Variants in DDX60L observed in about 807,000 individuals in gnomAD.
DDX60L encodes DExD/H-box 60 like, also known as probable ATP-dependent RNA helicase DDX60-like.
In DDX60L, 191 loss-of-function variants were observed where a neutral mutation model predicts 211.6. That is an observed-to-expected ratio of 0.90 (90% CI 0.80 to 1.02). The LOEUF (loss-of-function observed/expected upper bound fraction) is 1.02, where lower values mean the gene tolerates loss of function less well. DDX60L is among the 50% of genes least tolerant of loss of function. DDX60L has a pLI of 0.00. For synonymous variants in DDX60L, 706 were observed against 694.1 expected (o/e 1.02, Z -0.27); for missense variants, 2,007 against 1,984.1 (o/e 1.01, Z -0.22).
At chr4:168,421,930 T>C (rs746864580) in intron 16 of DDX60L, 21 bp from the exon 17 acceptor site, 4 of 1,613,844 alleles carry the variant, frequency 2.5e-6, no homozygotes, top group Admixed American at 1.7e-5. Flanking sequence ...CAAAGCACCA[T>C]TTGTGTCAAG....
Position 168,373,880 on chromosome 4 carries a change from T to C in DDX60L, c.4634-72A>G, listed in dbSNP as rs1741467814. The C allele has an allele frequency of 2.3e-5, 34 of 1,492,604 alleles. No individual in the cohort carries two copies. In the South Asian group the frequency reaches 3.1e-4, roughly 14 times the overall value. 92.5% of individuals were successfully genotyped at this position (1,492,604 alleles called of 1,614,324 possible). ...AATGTTAACCCTTTCAAACTCACTG[T>C]AGGTCAAGCCACAGTAGGTGACATT... On this transcript the variant is annotated intron_variant, in intron 34 of 37. Coordinates refer to ENST00000682922, the MANE Select transcript of DDX60L (RefSeq NM_001012967.3).
Position 168,421,805 on chromosome 4 carries a change from C to T in DDX60L, c.2349G>A (p.Leu783=). The T allele has an allele frequency of 6.2e-7, 1 of 1,614,232 alleles. No homozygotes were observed. The highest frequency in any genetic ancestry group is 2.2e-5 in the East Asian group (1 of 44,888). The change falls in exon 17 of 38, where the codon CTG becomes CTA. Residue 783 remains leucine (L), a synonymous_variant. Coordinates refer to ENST00000682922, the MANE Select transcript of DDX60L (RefSeq NM_001012967.3). ...YASYYCMEKV[L]RESDVGVVVY... ...CAACCACCCCGACATCGCTCTCCCT[C>T]AGCACTTTCTCCATGCAGTAGTAGG...
In DDX60L at chr4:168,400,863, C is replaced by T; in HGVS notation, c.3454G>A (p.Glu1152Lys). ...ECHSYVFAIDEVLEKVRKTQK... is the reference protein window; with the variant it reads ...ECHSYVFAIDKVLEKVRKTQK... ...GTCTTCCTCACTTTTTCAAGTACTTCATCTATTGCAAAGACATAACTATGA... is the reference window on the plus strand; with the variant it reads ...GTCTTCCTCACTTTTTCAAGTACTTTATCTATTGCAAAGACATAACTATGA... The change falls in exon 26 of 38, where the codon GAA becomes AAA. Residue 1152 changes from glutamate to lysine, a missense_variant. Glu to Lys is a moderately conservative substitution (Grantham distance 56). Coordinates refer to ENST00000682922, the MANE Select transcript of DDX60L (RefSeq NM_001012967.3). The T allele has an allele frequency of 6.2e-7, 1 of 1,613,004 alleles. No individual in the cohort carries two copies. The highest frequency in any genetic ancestry group is 1.1e-5 in the South Asian group (1 of 90,788).
intron 22 of DDX60L, among the ~76,000 whole-genome samples, chr4:168,412,722 C>T (rs1327076992): frequency 6.6e-6 from 1 of 152,188 alleles, no homozygotes; most frequent in Admixed American, 6.5e-5. Flanking sequence ...TAGGGCAATA[C>T]CTAGTGCTGT....
chr4:168,358,293 A>G lies in DDX60L; in HGVS notation c.4992-17T>C. 1 of 1,455,238 alleles carries G rather than the reference A, an allele frequency of 6.9e-7. No homozygotes were observed. The highest frequency in any genetic ancestry group is 9.1e-7 in the Non-Finnish European group (1 of 1,101,544). The allele number at this position is 1,455,238 out of a possible 1,614,324, so 90.1% of individuals were successfully genotyped here. ...AAGGAGTCACTGTATAAATGATAAT[A>G]ATAATAAAAAAATAATGAGCCCACA... On this transcript the variant is annotated splice_polypyrimidine_tract_variant and intron_variant, in intron 37 of 37. Coordinates refer to ENST00000682922, the MANE Select transcript of DDX60L (RefSeq NM_001012967.3).
At chr4:168,465,687 G>A (rs75305095) in intron 4 of DDX60L, among the ~76,000 whole-genome samples, 3 of 151,894 alleles carry the variant, frequency 2.0e-5, no homozygotes, top group Admixed American at 6.6e-5. Context: ...TGAAAGTGAG[G>A]GTTCAGTTTC....
At position 168,430,613 on chromosome 4, in the gene DDX60L, A is replaced by G. The variant is rs1294979210; in HGVS notation, c.1542T>C (p.Leu514=). The change falls in exon 13 of 38, where the codon CTT becomes CTC. Residue 514 remains leucine, a synonymous_variant. Coordinates refer to ENST00000682922, the MANE Select transcript of DDX60L (RefSeq NM_001012967.3). ...AATCCTGAATCTTTTTCAGGAAATC[A>G]AGAACATGAGGATCTCTAGATTGTT... is the stretch of plus-strand genomic sequence containing the variant. ...VDEQSRDPHV[L]DFLKKIQDYQ... is the part of the protein sequence containing the mutation. The G allele has an allele frequency of 6.4e-7, 1 of 1,571,532 alleles. No homozygotes were observed. Among genetic ancestry groups the G allele is most frequent in the Non-Finnish European group, 8.6e-7 (1 of 1,158,040 alleles).
Position 168,357,160 on chromosome 4 carries a change from A to C in DDX60L, c.*987T>G, listed in dbSNP as rs950561444. The C allele has an allele frequency of 1.3e-5, 2 of 152,230 alleles. No individual in the cohort carries two copies. The highest frequency in any genetic ancestry group is 6.5e-5 in the Admixed American group (1 of 15,278). 9.4% of individuals were successfully genotyped at this position (152,230 alleles called of 1,614,324 possible). A position where few individuals can be genotyped will look rare whatever the true frequency, so the allele number is the denominator to read the frequency against. On this transcript the variant is annotated 3_prime_UTR_variant, in exon 38 of 38. Transcript: ENST00000682922. The stretch of plus-strand genomic sequence containing the variant: ...TATATATATTTTTTCTGTTAGATAC[A>C]CACTCCTTAATCACTGCCAGGAAGT...
chr4:168,441,181 C>A (rs1457831330), intron 10 of DDX60L, among the ~76,000 whole-genome samples, 156 bp downstream of exon 10: 1 of 152,076 alleles, frequency 6.6e-6, no homozygotes, highest in Non-Finnish European at 1.5e-5. Context: ...ACTTTAACCA[C>A]ATTATTATAT....
rs138934259 is a variant in DDX60L, at chr4:168,408,547, A to G, written c.2980-1841T>C. On this transcript the variant is annotated intron_variant, in intron 22 of 37. Coordinates refer to ENST00000682922, the MANE Select transcript of DDX60L (RefSeq NM_001012967.3). The stretch of plus-strand genomic sequence containing the variant: ...AAGACAATATATAAAAGATCATTAT[A>G]TGGTTGTATCGGTTTGTACTTCTTC... 2.8e-3 allele frequency among the ~76,000 whole-genome samples: 434 copies of G among 152,324 alleles called. 2 individuals carry two copies. The highest frequency in any genetic ancestry group is 9.7e-3 in the African/African-American group (402 of 41,580).
rs551911602 is a variant in DDX60L, at chr4:168,441,031, G to C, written c.1294+306C>G. 2.0e-3 allele frequency among the ~76,000 whole-genome samples: 299 copies of C among 152,182 alleles called. 3 individuals are homozygous for C. Among genetic ancestry groups the C allele is most frequent in the African/African-American group, 6.8e-3 (284 of 41,484 alleles). On this transcript the variant is annotated intron_variant, in intron 10 of 37. Coordinates refer to ENST00000682922, the MANE Select transcript of DDX60L (RefSeq NM_001012967.3). ...AAGTCTGTTAAAGAGATGAGAGGAG[G>C]GGGAGGATGGATTGGGAAGTGGCCC...
rs370061220 is a variant in DDX60L, at chr4:168,456,094, C to T, written c.782G>A (p.Arg261His). The T allele has an allele frequency of 5.5e-5, 88 of 1,595,810 alleles. No individual in the cohort carries two copies. Among genetic ancestry groups the T allele is most frequent in the African/African-American group, 2.6e-4 (19 of 73,976 alleles). Reference protein sequence around the residue: ...HLWSEGSDIQRVLCVTSCSLS... With the variant: ...HLWSEGSDIQHVLCVTSCSLS... The stretch of plus-strand genomic sequence containing the variant: ...TGAACATGAAGTGACACAGAGAACA[C>T]GCTGGATGTCCGATCCTTCTGACCA... Residue 261 changes from arginine (R) to histidine (H), a missense_variant, in exon 7 of 38, where the codon CGT becomes CAT. Physicochemically the swap from Arg to His is conservative, Grantham distance 29 (BLOSUM62 0). Transcript: ENST00000682922.
intron 4 of DDX60L, 73 bp from the exon 5 acceptor site, chr4:168,462,113 C>T: frequency 8.8e-7 from 1 of 1,133,126 alleles, no homozygotes; most frequent in Non-Finnish European, 1.2e-6. Context: ...TTGTTGCTTA[C>T]AGCACAAAGC....
rs1271711053 is a variant in DDX60L at position 168,430,630 on chromosome 4, T to C, written c.1525A>G (p.Arg509Gly). 6.5e-7 allele frequency: 1 copy of C among 1,546,556 alleles called. No individual in the cohort carries two copies. Among genetic ancestry groups the C allele is most frequent in the Non-Finnish European group, 8.7e-7 (1 of 1,146,590 alleles). ...AGGAAATCAAGAACATGAGGATCTC[T>C]AGATTGTTCTGAAATAGAAAGACTT... is the stretch of plus-strand genomic sequence containing the variant. The part of the protein sequence containing the change: ...RIKCHVDEQS[R>G]DPHVLDFLKK... Residue 509 changes from arginine (R) to glycine (G), a missense_variant, in exon 13 of 38, where the codon AGA (arginine) becomes GGA (glycine). Transcript: ENST00000682922.
At chr4:168,420,837 C>A (rs1167077755) in intron 17 of DDX60L, among the ~76,000 whole-genome samples, 3 of 152,112 alleles carry the variant, frequency 2.0e-5, no homozygotes, top group South Asian at 2.1e-4. Flanking sequence ...CTGTGTTTGT[C>A]GGGATCCTTT....
At chr4:168,472,937 C>T (rs1759001195) in intron 1 of DDX60L, 128 bp from the exon 2 acceptor site, 6 of 520,262 alleles carry the variant, frequency 1.2e-5, no homozygotes, top group African/African-American at 1.9e-5. Flanking sequence ...AATAATCATA[C>T]AAAAAATTTC....
chr4:168,406,580 G>A, intron 23 of DDX60L, 22 bp downstream of exon 23: 2 of 1,508,104 alleles, frequency 1.3e-6, no homozygotes, highest in Non-Finnish European at 1.8e-6. Context: ...TCATTTTGGT[G>A]AATATATATT....
At chr4:168,384,993 G>A (rs1051018883) in intron 29 of DDX60L, among the ~76,000 whole-genome samples, 181 bp from the exon 30 acceptor site, 1 of 152,188 alleles carries the variant, frequency 6.6e-6, no homozygotes, top group Non-Finnish European at 1.5e-5. Flanking sequence ...AAGAGATAAG[G>A]AGGCATTGTG....
At chr4:168,401,676 G>C (rs1219498704) in intron 25 of DDX60L, among the ~76,000 whole-genome samples, 1 of 152,156 alleles carries the variant, frequency 6.6e-6, no homozygotes, top group East Asian at 1.9e-4. Flanking sequence ...TGTATGTAAT[G>C]TCCAGTAATA....
Sources: gnomAD v4.1 joint callset for allele counts (sites outside exome capture counted in the v4.1 genomes callset) on GRCh38, gnomAD v4.1.1 for gene constraint, MANE v1.5 for transcripts, NCBI Gene and HGNC (gene_info 2026-07-23, HGNC 2026-07-21) for gene names.